DLD: variants seen among roughly 807,000 people sequenced by gnomAD.
The protein encoded by DLD is dihydrolipoamide dehydrogenase, also known as dihydrolipoyl dehydrogenase, mitochondrial.
In DLD, 36 loss-of-function variants were observed where a neutral mutation model predicts 62.2. The observed-to-expected ratio is 0.58, with a 90% CI of 0.44 to 0.76. The LOEUF (loss-of-function observed/expected upper bound fraction) is 0.76, where lower values mean the gene tolerates loss of function less well. Ranked by LOEUF, DLD falls within the 30% of genes least tolerant of loss-of-function variation. DLD has a pLI of 0.00. For missense variants in DLD, 541 were observed against 608.6 expected (o/e 0.89, Z 1.17); for synonymous variants, 204 against 199.6 (o/e 1.02, Z -0.19).
rs2032397994 is a variant in DLD, at chr7:107,921,025, TC to T, written c.*1769del. The T allele has an allele frequency of 6.6e-6, 1 of 152,416 alleles. No homozygotes were observed. Among genetic ancestry groups the T allele is most frequent in the South Asian group, 2.1e-4 (1 of 4,828 alleles). 9.4% of individuals were successfully genotyped at this position (152,416 alleles called of 1,614,324 possible). ...TGCTGTTTATGTAAATCTCAACATA[TC>T]CCTTACTCAGGGAAAAAAAAGTTTT... On this transcript the variant is annotated 3_prime_UTR_variant, in exon 14 of 14. Transcript: ENST00000205402.
rs766396602 is a variant in DLD, at chr7:107,893,276, C to G, written c.116C>G (p.Pro39Arg). ...CCTCTGAGAACTTACGCAGATCAGC[C>G]GAGTAAGTACTTAAGTAAAACATTT... ...AVPLRTYADQPIDADVTVIGS... is the reference protein window; with the variant it reads ...AVPLRTYADQRIDADVTVIGS... The change falls in exon 2 of 14, where the codon CCG becomes CGG. Residue 39 changes from proline to arginine, a missense_variant and splice_region_variant. Physicochemically the swap from Pro to Arg is moderately radical, Grantham distance 103 (BLOSUM62 -2). Transcript: ENST00000205402. 6.2e-7 allele frequency: 1 copy of G among 1,610,260 alleles called. No individual in the cohort carries two copies. The highest frequency in any genetic ancestry group is 1.1e-5 in the South Asian group (1 of 90,508).
chr7:107,904,075 C>G (rs1376045797), intron 5 of DLD, among the ~76,000 whole-genome samples: 2 of 152,182 alleles, frequency 1.3e-5, no homozygotes, highest in Non-Finnish European at 2.9e-5. Context: ...TTGTTAGATA[C>G]TTCCAGAAAG....
intron 2 of DLD, among the ~76,000 whole-genome samples, 197 bp from the exon 3 acceptor site, chr7:107,901,541 T>G (rs776400575): frequency 6.6e-6 from 1 of 152,160 alleles, no homozygotes; most frequent in Non-Finnish European, 1.5e-5. Context: ...AAATGAAATT[T>G]GAGTATTTAT....
upstream of DLD, chr7:107,891,173 G>A (rs566800147): frequency 5.2e-5 from 81 of 1,571,484 alleles, no homozygotes; most frequent in African/African-American, 8.1e-4. Context: ...CATGCGCAGG[G>A]AGGGGAGACC....
In DLD at chr7:107,919,287, G is replaced by T. The variant is rs17154615; in HGVS notation, c.*28G>T. The T allele has an allele frequency of 0.13, 208,351 of 1,561,314 alleles. 18,390 individuals carry two copies. Among genetic ancestry groups the T allele is most frequent in the East Asian group, 0.5 (22,273 of 44,420 alleles). On this transcript the variant is annotated 3_prime_UTR_variant, in exon 14 of 14. Coordinates refer to ENST00000205402, the MANE Select transcript of DLD (RefSeq NM_000108.5). ...TAGAAGATTATATATATTTTTTTCT[G>T]AAATTTCCTGGGAGCTTTTGTAGAA... is the stretch of plus-strand genomic sequence containing the variant.
At chr7:107,908,175 G>T (rs1193516700) in intron 8 of DLD, among the ~76,000 whole-genome samples, 2 of 137,332 alleles carry the variant, frequency 1.5e-5, no homozygotes, top group African/African-American at 2.7e-5. Context: ...TTTTGAGTCC[G>T]AGTCTTGCTG....
chr7:107,916,212 T>C (rs2032266002), intron 9 of DLD, among the ~76,000 whole-genome samples: 1 of 152,158 alleles, frequency 6.6e-6, no homozygotes, highest in Non-Finnish European at 1.5e-5. Context: ...TGGCAGTCAG[T>C]AGTTGAATTT....
chr7:107,918,035 G>C lies in DLD; in HGVS notation c.1348G>C (p.Val450Leu). ...KILGQKSTDRVLGAHILGPGA... is the reference protein window; with the variant it reads ...KILGQKSTDRLLGAHILGPGA... ...CCTTGGGCAGAAATCGACAGACAGA[G>C]TACTGGGAGCACATATTCTTGGACC... is the stretch of plus-strand genomic sequence containing the variant. Residue 450 changes from valine to leucine, a missense_variant, in exon 12 of 14, where the codon GTA becomes CTA. Coordinates refer to ENST00000205402, the MANE Select transcript of DLD (RefSeq NM_000108.5). 3 of 1,614,040 alleles carry C rather than the reference G, an allele frequency of 1.9e-6. No individual in the cohort carries two copies. Among genetic ancestry groups the C allele is most frequent in the Non-Finnish European group, 1.7e-6 (2 of 1,179,912 alleles).
chr7:107,902,523 GA>G (rs1052675302), intron 4 of DLD, 130 bp downstream of exon 4: 16 of 802,018 alleles, frequency 2.0e-5, no homozygotes, highest in East Asian at 5.3e-5. Context: ...TTCACACAGA[GA>G]AAAAAAAGAA....
At chr7:107,902,956 T>A (rs1442983010) in intron 4 of DLD, among the ~76,000 whole-genome samples, 1 of 152,228 alleles carries the variant, frequency 6.6e-6, no homozygotes, top group African/African-American at 2.4e-5. Flanking sequence ...TTTTTAAATT[T>A]TTATTGTAAA....
intron 2 of DLD, among the ~76,000 whole-genome samples, chr7:107,899,516 A>G (rs1158826726): frequency 6.6e-6 from 1 of 151,934 alleles, no homozygotes; most frequent in African/African-American, 2.4e-5. Flanking sequence ...AGTACCATGG[A>G]CCTACTATAA....
intron 2 of DLD, among the ~76,000 whole-genome samples, chr7:107,895,687 G>A (rs1490823905): frequency 6.6e-6 from 1 of 152,186 alleles, no homozygotes; most frequent in Non-Finnish European, 1.5e-5. Context: ...TGTGACAGGG[G>A]TCCATAGACT....
Position 107,918,163 on chromosome 7 carries a change from C to T in DLD, c.1374+102C>T, listed in dbSNP as rs2032317523. The T allele has an allele frequency of 4.4e-6, 6 of 1,368,986 alleles. No individual in the cohort carries two copies. In the Admixed American group the frequency reaches 8.5e-5, roughly 19 times the overall value. 84.8% of individuals were successfully genotyped at this position (1,368,986 alleles called of 1,614,324 possible). On this transcript the variant is annotated intron_variant, in intron 12 of 13. Transcript: ENST00000205402. ...GTGTTAGTCTGAGGTTGCTCATTTC[C>T]AGCAAAACTTTGAATATGGCTCTCT...
intron 2 of DLD, among the ~76,000 whole-genome samples, chr7:107,894,656 C>T (rs1424628409): frequency 6.6e-6 from 1 of 152,198 alleles, no homozygotes; most frequent in Non-Finnish European, 1.5e-5. Context: ...ATACCTTTGG[C>T]ATCACTCAGC....
chr7:107,912,296 G>A (rs35765154), intron 8 of DLD, among the ~76,000 whole-genome samples: 55,357 of 151,914 alleles, frequency 0.36, 10,373 homozygotes, highest in Non-Finnish European at 0.41. Flanking sequence ...AACATAAAGC[G>A]CAGATACCTC....
At chr7:107,918,546 T>C (rs1482737567) in intron 12 of DLD, among the ~76,000 whole-genome samples, 1 of 152,202 alleles carries the variant, frequency 6.6e-6, no homozygotes, top group Non-Finnish European at 1.5e-5. Context: ...TGGCTCCTTA[T>C]TATTCAGGTC....
At chr7:107,905,579 T>G in intron 7 of DLD, 75 bp downstream of exon 7, 2 of 1,493,320 alleles carry the variant, frequency 1.3e-6, no homozygotes, top group Non-Finnish European at 1.9e-6. Context: ...TTATGCTATT[T>G]GTGAACTTTG....
intron 6 of DLD, 36 bp from the exon 7 acceptor site, chr7:107,905,325 T>A: frequency 6.3e-7 from 1 of 1,584,632 alleles, no homozygotes; most frequent in Non-Finnish European, 8.7e-7. Flanking sequence ...CAAATTACTT[T>A]AAACTTTGTG....
At chr7:107,909,490 G>A (rs2032087117) in intron 8 of DLD, among the ~76,000 whole-genome samples, 1 of 152,060 alleles carries the variant, frequency 6.6e-6, no homozygotes, top group Non-Finnish European at 1.5e-5. Context: ...ATTCATCTTC[G>A]TTTCTCCATC....
Sources: gnomAD v4.1 joint callset for allele counts (sites outside exome capture counted in the v4.1 genomes callset) on GRCh38, gnomAD v4.1.1 for gene constraint, MANE v1.5 for transcripts, NCBI Gene and HGNC (gene_info 2026-07-23, HGNC 2026-07-21) for gene names.